LOC728743: variants seen among roughly 807,000 people sequenced by gnomAD.
chr7:150,401,674 GA>G, the LOC728743 span, among the ~76,000 whole-genome samples: 1 of 152,186 alleles, frequency 6.6e-6, no homozygotes, highest in Non-Finnish European at 1.5e-5. Context: ...ACTGGATTTG[GA>G]GGAGGTGTCC....
chr7:150,404,981 G>C, the LOC728743 span: 2 of 152,314 alleles, frequency 1.3e-5, no homozygotes, highest in Admixed American at 6.5e-5. Flanking sequence ...CCTGTCGCTG[G>C]GGGCGGTTTG....
At chr7:150,407,556 A>G in the LOC728743 span, 3 of 397,532 alleles carry the variant, frequency 7.5e-6, no homozygotes, top group Admixed American at 8.8e-5. Context: ...TCCACCCCCC[A>G]CCCCCGCCCC....
At chr7:150,410,111 C>G in the LOC728743 span, 1 of 398,718 alleles carries the variant, frequency 2.5e-6, no homozygotes, top group Non-Finnish European at 4.4e-6. Context: ...TGGGCAGGGC[C>G]ATGTCACGGC....
the LOC728743 span, chr7:150,410,157 C>G: frequency 5.0e-6 from 2 of 398,532 alleles, no homozygotes; most frequent in South Asian, 2.5e-4. Flanking sequence ...TTTCTGTCGA[C>G]AGTTGCAGAG....
the LOC728743 span, chr7:150,405,406 G>A: frequency 6.6e-6 from 1 of 152,252 alleles, no homozygotes; most frequent in Non-Finnish European, 1.5e-5. Flanking sequence ...GCGGGTCACT[G>A]CGGGCGTGCT....
At chr7:150,410,505 C>G in the LOC728743 span, 22 of 305,474 alleles carry the variant, frequency 7.2e-5, no homozygotes, top group African/African-American at 4.5e-4. Flanking sequence ...CTGCTCCCGC[C>G]TGGTCCACCA....
the LOC728743 span, among the ~76,000 whole-genome samples, chr7:150,402,442 G>A: frequency 6.6e-6 from 1 of 152,202 alleles, no homozygotes; most frequent in South Asian, 2.1e-4. Context: ...ACCCTTGGGG[G>A]CCATCTTTTC....
the LOC728743 span, among the ~76,000 whole-genome samples, chr7:150,409,147 G>A: frequency 1.3e-5 from 2 of 149,404 alleles, no homozygotes; most frequent in African/African-American, 2.5e-5. Context: ...TCAAGGGAGG[G>A]GGGGTCCTGA....
At chr7:150,408,029 C>A in the LOC728743 span, 1 of 397,004 alleles carries the variant, frequency 2.5e-6, no homozygotes, top group East Asian at 3.6e-5. Context: ...GCGCTTCCTG[C>A]TCAACCACCA....
At chr7:150,407,976 A>T in the LOC728743 span, 1 of 402,842 alleles carries the variant, frequency 2.5e-6, no homozygotes, top group Non-Finnish European at 4.4e-6. Context: ...AGCGGCGAGA[A>T]GCCGCACCAG....
chr7:150,401,578 T>C, the LOC728743 span, among the ~76,000 whole-genome samples: 1 of 152,234 alleles, frequency 6.6e-6, no homozygotes, highest in Non-Finnish European at 1.5e-5. Context: ...CTTCCTGCAT[T>C]GTGGCAGGGG....
chr7:150,407,950 G>A, the LOC728743 span: 2 of 408,046 alleles, frequency 4.9e-6, no homozygotes, highest in South Asian at 1.1e-4. Flanking sequence ...ACCTGCTCAC[G>A]CACCAGCGCA....
At chr7:150,403,919 T>G in the LOC728743 span, among the ~76,000 whole-genome samples, 4 of 152,148 alleles carry the variant, frequency 2.6e-5, no homozygotes, top group African/African-American at 4.8e-5. The surrounding 1 kb of genome is among the most constrained non-coding windows in gnomAD (Gnocchi z 5.1). Flanking sequence ...GGCCTGGTGT[T>G]GGGAGGAAGG....
At chr7:150,405,658 C>T in the LOC728743 span, 30 of 152,242 alleles carry the variant, frequency 2.0e-4, no homozygotes, top group African/African-American at 7.2e-4. Context: ...CATATTTCTC[C>T]AGGGTTGCTC....
At chr7:150,407,329 G>A in the LOC728743 span, among the ~76,000 whole-genome samples, 1 of 152,190 alleles carries the variant, frequency 6.6e-6, no homozygotes, top group Non-Finnish European at 1.5e-5. Context: ...GCCCGGGGTG[G>A]AAAGGTCAGG....
At chr7:150,410,726 A>G in the LOC728743 span, 1 of 152,300 alleles carries the variant, frequency 6.6e-6, no homozygotes, top group Non-Finnish European at 1.5e-5. Context: ...AGGAAAACAG[A>G]TAACTGACGT....
the LOC728743 span, chr7:150,411,950 GC>G: frequency 6.5e-6 from 1 of 153,338 alleles, no homozygotes; most frequent in Non-Finnish European, 1.4e-5. Flanking sequence ...AAACCACCCA[GC>G]CCACATTCCT....
the LOC728743 span, among the ~76,000 whole-genome samples, chr7:150,406,891 A>T: frequency 6.6e-6 from 1 of 152,212 alleles, no homozygotes; most frequent in Non-Finnish European, 1.5e-5. Flanking sequence ...CCTCATTTTG[A>T]TAAACAAAGA....
the LOC728743 span, among the ~76,000 whole-genome samples, chr7:150,402,132 G>A: frequency 1.3e-5 from 2 of 152,212 alleles, no homozygotes; most frequent in Admixed American, 6.5e-5. Context: ...TACTTGCAGA[G>A]CAATTGTGCC....
Sources: allele counts gnomAD v4.1 joint callset (sites outside exome capture counted in the v4.1 genomes callset), GRCh38; gene constraint gnomAD v4.1.1; non-coding constraint Gnocchi (gnomAD v3.1); transcripts MANE v1.5.